The following AGAP1 variants were observed in gnomAD, a reference collection of about 807,000 sequenced individuals.
AGAP1 encodes the protein ArfGAP with GTPase domain, ankyrin repeat and PH domain 1.
In AGAP1, 29 loss-of-function variants were observed where a neutral mutation model predicts 105.3. That is an observed-to-expected ratio of 0.28 (90% CI 0.21 to 0.38). The LOEUF (loss-of-function observed/expected upper bound fraction) is 0.38, where lower values mean the gene tolerates loss of function less well. Among genes scored for constraint, AGAP1 ranks in the 10% least tolerant of loss-of-function variants. The pLI is 1.00. For synonymous variants in AGAP1, 509 were observed against 485.9 expected, an observed-to-expected ratio of 1.05 and a Z score of -0.63; for missense variants, 998 against 1,165.1, an observed-to-expected ratio of 0.86 and a Z score of 2.09.
chr2:236,068,867 G>C lies in AGAP1; in HGVS notation c.2114+19586G>C, dbSNP rs1260064294. 2.0e-5 allele frequency among the ~76,000 whole-genome samples: 3 copies of C among 147,240 alleles called. No individual in the cohort carries two copies. In the East Asian group the frequency reaches 6.1e-4, roughly 30 times the overall value. On this transcript the variant is annotated intron_variant, in intron 16 of 17. Transcript: ENST00000304032. Reference sequence around the variant, plus strand: ...ATGTAGGCTAGGCATGGTGGTTCACGCCTGTAATCCTAGCACTTTGGGAGG... The same window carrying C: ...ATGTAGGCTAGGCATGGTGGTTCACCCCTGTAATCCTAGCACTTTGGGAGG...
In AGAP1 at chr2:235,614,260, G is replaced by A. The variant is rs1267087463; in HGVS notation, c.164-94919G>A. Among the ~76,000 whole-genome samples the A allele has an allele frequency of 6.6e-6, 1 of 152,110 alleles. No individual in the cohort carries two copies. Among genetic ancestry groups the A allele is most frequent in the South Asian group, 2.1e-4 (1 of 4,826 alleles). On this transcript the variant is annotated intron_variant, in intron 1 of 17. Coordinates refer to ENST00000304032, the MANE Select transcript of AGAP1 (RefSeq NM_001037131.3). This position sits in a 1 kb window ranked among gnomAD's most constrained non-coding sequence, Gnocchi z 4.7. The stretch of plus-strand genomic sequence containing the variant: ...TCATACAGTTAGCAGTGTGGCCAGC[G>A]TCACTTAAAGCGGGGAGGTGGCTGG...
rs1946835205 is a variant in AGAP1, at chr2:235,631,691, A to AG, written c.164-77487dup. 6.6e-6 allele frequency among the ~76,000 whole-genome samples: 1 copy of AG among 152,238 alleles called. No homozygotes were observed. Among genetic ancestry groups the AG allele is most frequent in the Non-Finnish European group, 1.5e-5 (1 of 68,042 alleles). The stretch of plus-strand genomic sequence containing the variant: ...GGTGACCTTCGATGGCACGGGGGAT[A>AG]GCAGTATCTGCTTCACATGGTCAGA... On this transcript the variant is annotated intron_variant, in intron 1 of 17. Transcript: ENST00000304032. This position sits in a 1 kb window ranked among gnomAD's most constrained non-coding sequence, Gnocchi z 5.4.
In AGAP1 at chr2:235,609,586, G is replaced by T. The variant is rs1018154874; in HGVS notation, c.164-99593G>T. 1.3e-5 allele frequency among the ~76,000 whole-genome samples: 2 copies of T among 152,086 alleles called. No individual in the cohort carries two copies. Among genetic ancestry groups the T allele is most frequent in the African/African-American group, 4.8e-5 (2 of 41,416 alleles). On this transcript the variant is annotated intron_variant, in intron 1 of 17. Transcript: ENST00000304032. This position sits in a 1 kb window ranked among gnomAD's most constrained non-coding sequence, Gnocchi z 5.1. ...AAGGCCTGCTCCTCACTTTGACCCC[G>T]GACCTGCATGCGCGCTGAGGATGGC... is the stretch of plus-strand genomic sequence containing the variant.
rs1200845285 is a variant in AGAP1, at chr2:235,981,674, C to T, written c.1645+13051C>T. On this transcript the variant is annotated intron_variant, in intron 13 of 17. Transcript: ENST00000304032. This position sits in a 1 kb window ranked among gnomAD's most constrained non-coding sequence, Gnocchi z 5.5. Reference sequence around the variant, plus strand: ...CTGGGCTTAAGTGCTTTACACGCAGCGTCTCATAACCCTCACAAGAACCTG... The same window carrying T: ...CTGGGCTTAAGTGCTTTACACGCAGTGTCTCATAACCCTCACAAGAACCTG... Among the ~76,000 whole-genome samples, 2 of 152,176 alleles carry T rather than the reference C, an allele frequency of 1.3e-5. No homozygotes were observed. Among genetic ancestry groups the T allele is most frequent in the African/African-American group, 2.4e-5 (1 of 41,446 alleles).
In AGAP1 at chr2:236,056,220, A is replaced by T. The variant is rs1255967811; in HGVS notation, c.2114+6939A>T. Among the ~76,000 whole-genome samples, 1 of 152,186 alleles carries T rather than the reference A, an allele frequency of 6.6e-6. No homozygotes were observed. Among genetic ancestry groups the T allele is most frequent in the Non-Finnish European group, 1.5e-5 (1 of 68,034 alleles). ...TTGCATTTGCCTTTGAACCAGACAG[A>T]CAGAATGGTGCTCTCGGTTTATCAT... On this transcript the variant is annotated intron_variant, in intron 16 of 17. Transcript: ENST00000304032. This position sits in a 1 kb window ranked among gnomAD's most constrained non-coding sequence, Gnocchi z 4.6.
Position 236,095,823 on chromosome 2 carries a change from C to T in AGAP1, c.2115-24369C>T, listed in dbSNP as rs181041520. Among the ~76,000 whole-genome samples, 140 of 152,304 alleles carry T rather than the reference C, an allele frequency of 9.2e-4. No individual in the cohort carries two copies. Among genetic ancestry groups the T allele is most frequent in the East Asian group, 5.2e-3 (27 of 5,188 alleles). ...GTCCCTAAGAGCTGGCCAACTTCCA[C>T]GATCATTATATTTTTGAGTTTTGCA... On this transcript the variant is annotated intron_variant, in intron 16 of 17. Coordinates refer to ENST00000304032, the MANE Select transcript of AGAP1 (RefSeq NM_001037131.3). The surrounding 1 kb of genome is among the most constrained non-coding windows in gnomAD (Gnocchi z 4.1).
chr2:236,069,943 G>T (rs896010899), intron 16 of AGAP1, among the ~76,000 whole-genome samples: 1 of 152,186 alleles, frequency 6.6e-6, no homozygotes, highest in Non-Finnish European at 1.5e-5. Context: ...GCCGTAGAGG[G>T]CCGGGAATGT....
chr2:235,800,787 G>A (rs1378471431), intron 8 of AGAP1, among the ~76,000 whole-genome samples: 2 of 152,180 alleles, frequency 1.3e-5, no homozygotes, highest in African/African-American at 4.8e-5. Flanking sequence ...GCAACCAGGG[G>A]TGCTGCAAAG....
In AGAP1 at chr2:235,608,603, G is replaced by A. The variant is rs1369728731; in HGVS notation, c.164-100576G>A. 2.6e-5 allele frequency among the ~76,000 whole-genome samples: 4 copies of A among 152,236 alleles called. No individual in the cohort carries two copies. The highest frequency in any genetic ancestry group is 9.6e-5 in the African/African-American group (4 of 41,452). On this transcript the variant is annotated intron_variant, in intron 1 of 17. Coordinates refer to ENST00000304032, the MANE Select transcript of AGAP1 (RefSeq NM_001037131.3). The surrounding 1 kb of genome is among the most constrained non-coding windows in gnomAD (Gnocchi z 5.4). ...CACTGGGGAGCCGATGATGCCCAGA[G>A]TGTCTGGGGGACGCATCCAGGGTCC...
intron 13 of AGAP1, among the ~76,000 whole-genome samples, chr2:236,033,432 G>A (rs576756949): frequency 7.2e-5 from 11 of 152,308 alleles, no homozygotes; most frequent in African/African-American, 2.2e-4. Flanking sequence ...GCCAAACTGC[G>A]CTTTAGCAAT....
At position 235,992,748 on chromosome 2, in the gene AGAP1, C is replaced by T. The variant is rs1046177730; in HGVS notation, c.1645+24125C>T. Among the ~76,000 whole-genome samples the T allele has an allele frequency of 9.8e-5, 15 of 152,296 alleles. No individual in the cohort carries two copies. The highest frequency in any genetic ancestry group is 9.8e-4 in the Admixed American group (15 of 15,308). On this transcript the variant is annotated intron_variant, in intron 13 of 17. Coordinates refer to ENST00000304032, the MANE Select transcript of AGAP1 (RefSeq NM_001037131.3). The surrounding 1 kb of genome is among the most constrained non-coding windows in gnomAD (Gnocchi z 4.8). The stretch of plus-strand genomic sequence containing the variant: ...AGGTCCTGCACACCTGGGGATGCGT[C>T]GTGGGCGCCGAGGAGAGCGTAGCCT...
rs1216034619 is a variant in AGAP1 at position 235,865,874 on chromosome 2, G to A, written c.1051-17471G>A. Among the ~76,000 whole-genome samples, 4 of 152,166 alleles carry A rather than the reference G, an allele frequency of 2.6e-5. No individual in the cohort carries two copies. Among genetic ancestry groups the A allele is most frequent in the African/African-American group, 9.7e-5 (4 of 41,438 alleles). ...GATGTGAATTTGCCAGAAGTTTTCC[G>A]TTTGTGGAGGACTGGGGAAAGCCAG... is the stretch of plus-strand genomic sequence containing the variant. On this transcript the variant is annotated intron_variant, in intron 9 of 17. Transcript: ENST00000304032. The surrounding 1 kb of genome is among the most constrained non-coding windows in gnomAD (Gnocchi z 6.2).
At chr2:235,688,409 A>G (rs1239210513) in intron 1 of AGAP1, among the ~76,000 whole-genome samples, 2 of 152,104 alleles carry the variant, frequency 1.3e-5, no homozygotes, top group Non-Finnish European at 2.9e-5. Context: ...TCTCTCTGGA[A>G]GGTCATGACG....
At chr2:235,782,013 A>G (rs1956292889) in intron 6 of AGAP1, among the ~76,000 whole-genome samples, 1 of 152,146 alleles carries the variant, frequency 6.6e-6, no homozygotes, top group Admixed American at 6.5e-5. Flanking sequence ...CTGTTTGGCC[A>G]TAGTTGATTG....
chr2:235,592,936 G>C (rs986697778), intron 1 of AGAP1, among the ~76,000 whole-genome samples: 13 of 152,142 alleles, frequency 8.5e-5, no homozygotes, highest in African/African-American at 3.1e-4. Context: ...ATAAGGAGAG[G>C]CTGTCTGACA....
intron 9 of AGAP1, among the ~76,000 whole-genome samples, chr2:235,856,674 A>G (rs1360240228): frequency 1.3e-5 from 2 of 152,284 alleles, no homozygotes; most frequent in Non-Finnish European, 2.9e-5. Context: ...CCCAGAGTAC[A>G]CAGGCCAGGA....
intron 16 of AGAP1, among the ~76,000 whole-genome samples, chr2:236,067,697 C>G (rs1188260835): frequency 1.3e-5 from 2 of 152,232 alleles, no homozygotes; most frequent in Non-Finnish European, 2.9e-5. Context: ...GGGGTCCTGT[C>G]TTTTCTCTGT....
At chr2:235,773,567 C>T (rs778219674) in intron 6 of AGAP1, among the ~76,000 whole-genome samples, 5 of 152,144 alleles carry the variant, frequency 3.3e-5, no homozygotes, top group Admixed American at 6.5e-5. Context: ...TTGGGGTTTT[C>T]GTTCGATTTA....
intron 6 of AGAP1, among the ~76,000 whole-genome samples, chr2:235,770,133 C>CTTTTTTT (rs57008190): frequency 4.0e-4 from 55 of 136,682 alleles, no homozygotes; most frequent in African/African-American, 1.4e-3. Context: ...TTCTTTGTTT[C>CTTTTTTT]TTTTTTTTTT....
Sources: gnomAD v4.1 joint callset for allele counts (sites outside exome capture counted in the v4.1 genomes callset) on GRCh38, gnomAD v4.1.1 for gene constraint, Gnocchi (gnomAD v3.1) non-coding constraint, MANE v1.5 for transcripts, NCBI Gene and HGNC (gene_info 2026-07-23, HGNC 2026-07-21) for gene names.